Variants in TNFAIP8 observed in about 807,000 individuals in gnomAD.
TNFAIP8 encodes the protein TNF alpha induced protein 8, also known as tumor necrosis factor alpha-induced protein 8.
A neutral mutation model predicts 13.3 loss-of-function variants in TNFAIP8; 7 were observed. That is an observed-to-expected ratio of 0.52 (90% CI 0.30 to 0.99). TNFAIP8 has a LOEUF of 0.99. TNFAIP8 is among the 50% of genes least tolerant of loss of function. TNFAIP8 has a pLI of 0.07. For synonymous variants in TNFAIP8, 94 were observed against 87.6 expected, an observed-to-expected ratio of 1.07 and a Z score of -0.41; for missense variants, 258 against 236.9, an observed-to-expected ratio of 1.09 and a Z score of -0.58.
chr5:119,333,992 G>A (rs958343610), intron 1 of TNFAIP8, among the ~76,000 whole-genome samples: 5 of 152,222 alleles, frequency 3.3e-5, no homozygotes, highest in South Asian at 2.1e-4. Context: ...TTTTCCATGC[G>A]TTTATTAACT....
At chr5:119,350,952 T>TTGTGTG (rs35633858) in intron 1 of TNFAIP8, among the ~76,000 whole-genome samples, 2,532 of 144,768 alleles carry the variant, frequency 0.017, 66 homozygotes, top group African/African-American at 0.043. Context: ...CTATGTGTAT[T>TTGTGTG]TGTGTGTGTG....
chr5:119,291,624 T>A (rs1966478), intron 1 of TNFAIP8, among the ~76,000 whole-genome samples: 1 of 152,120 alleles, frequency 6.6e-6, no homozygotes. Flanking sequence ...CATCTTTGAA[T>A]AGTGAAAGGC....
chr5:119,294,772 T>C (rs1051644309), intron 1 of TNFAIP8, among the ~76,000 whole-genome samples: 1 of 152,148 alleles, frequency 6.6e-6, no homozygotes, highest in Non-Finnish European at 1.5e-5. Context: ...GGTTTTGATT[T>C]GCGTTTCTCT....
chr5:119,269,913 T>A (rs979595771), intron 1 of TNFAIP8, among the ~76,000 whole-genome samples: 7 of 152,240 alleles, frequency 4.6e-5, no homozygotes, highest in African/African-American at 1.7e-4. Context: ...TTTCTTCATC[T>A]ATAAAATGAT....
intron 1 of TNFAIP8, among the ~76,000 whole-genome samples, chr5:119,299,215 G>GT (rs1352748680): frequency 6.6e-6 from 1 of 152,120 alleles, no homozygotes; most frequent in Non-Finnish European, 1.5e-5. Context: ...TTTCTGCTCT[G>GT]TTTTTTCCCC....
intron 1 of TNFAIP8, among the ~76,000 whole-genome samples, chr5:119,288,629 A>G (rs903412897): frequency 6.6e-6 from 1 of 152,220 alleles, no homozygotes; most frequent in Non-Finnish European, 1.5e-5. Context: ...GGCTTGTATA[A>G]CTAACCCCAA....
intron 1 of TNFAIP8, among the ~76,000 whole-genome samples, chr5:119,350,042 A>C (rs779109730): frequency 1.3e-5 from 2 of 152,230 alleles, no homozygotes; most frequent in African/African-American, 2.4e-5. Context: ...CTTTAATTAC[A>C]TATCTGTAAA....
rs562186577 is a variant in TNFAIP8, at chr5:119,305,512, A to G, written c.1+36605A>G. 7.3e-5 allele frequency among the ~76,000 whole-genome samples: 11 copies of G among 150,548 alleles called. No homozygotes were observed. In the South Asian group the frequency reaches 2.3e-3, roughly 31 times the overall value. On this transcript the variant is annotated intron_variant, in intron 1 of 1. Transcript: ENST00000274456. ...CGGAAGGCTGAGGCAGGAGGATCACATGAGCCCAGGAGTTCAAGGCTGTAG... is the reference window on the plus strand; with the variant it reads ...CGGAAGGCTGAGGCAGGAGGATCACGTGAGCCCAGGAGTTCAAGGCTGTAG...
chr5:119,287,538 A>G (rs1416235066), intron 1 of TNFAIP8, among the ~76,000 whole-genome samples: 2 of 152,080 alleles, frequency 1.3e-5, no homozygotes, highest in African/African-American at 2.4e-5. Context: ...CGTGCTGTAT[A>G]TTAGATCTCC....
At chr5:119,280,913 T>G (rs1347544207) in intron 1 of TNFAIP8, among the ~76,000 whole-genome samples, 5 of 152,192 alleles carry the variant, frequency 3.3e-5, no homozygotes, top group African/African-American at 1.2e-4. Context: ...TAGGGTTTTT[T>G]TTTAATTGTT....
intron 1 of TNFAIP8, among the ~76,000 whole-genome samples, chr5:119,379,092 G>A (rs1345739662): frequency 6.6e-6 from 1 of 152,166 alleles, no homozygotes; most frequent in Non-Finnish European, 1.5e-5. Flanking sequence ...AAGATAGTTT[G>A]TATCCATATT....
chr5:119,341,989 A>G (rs1387351849), intron 1 of TNFAIP8, among the ~76,000 whole-genome samples: 1 of 143,230 alleles, frequency 7.0e-6, no homozygotes, highest in Non-Finnish European at 1.5e-5. Context: ...TACCCTTGTA[A>G]CAGCCTTAAT....
upstream of TNFAIP8, among the ~76,000 whole-genome samples, chr5:119,353,931 T>C (rs1751281272): frequency 6.6e-6 from 1 of 152,242 alleles, no homozygotes; most frequent in Non-Finnish European, 1.5e-5. Context: ...GGAAGCTCTC[T>C]TGTGTAGCAC....
rs565714733 is a variant in TNFAIP8 at position 119,375,601 on chromosome 5, T to G, written c.32-17215T>G. Among the ~76,000 whole-genome samples the G allele has an allele frequency of 3.3e-5, 5 of 152,292 alleles. No homozygotes were observed. The East Asian group carries it at 5.8e-4, about 18-fold the overall frequency. The stretch of plus-strand genomic sequence containing the variant: ...TACCAGGGAACGACTATAATGATCT[T>G]TTTAGTTATTTTCTTCAAGTGGAAA... On this transcript the variant is annotated intron_variant, in intron 1 of 1. Transcript: ENST00000504771.
rs562253648 is a variant in TNFAIP8, at chr5:119,397,391, A to G, written c.*4010A>G. On this transcript the variant is annotated 3_prime_UTR_variant, in exon 2 of 2. Transcript: ENST00000504771. ...CAGGAAATTAAAATACTCCAGTAAAATGAATTAAATTAGCATGTTAATAAG... is the reference window on the plus strand; with the variant it reads ...CAGGAAATTAAAATACTCCAGTAAAGTGAATTAAATTAGCATGTTAATAAG... 3 of 152,248 alleles carry G rather than the reference A, an allele frequency of 2.0e-5. No homozygotes were observed. Among genetic ancestry groups the G allele is most frequent in the Non-Finnish European group, 4.4e-5 (3 of 68,038 alleles). The allele number at this position is 152,248 out of a possible 1,614,324, so 9.4% of individuals were successfully genotyped here.
chr5:119,272,997 G>C (rs1041434943), intron 1 of TNFAIP8, among the ~76,000 whole-genome samples: 6 of 152,170 alleles, frequency 3.9e-5, no homozygotes, highest in African/African-American at 1.4e-4. Context: ...ATAACAGAAT[G>C]GAATTAAGTT....
At chr5:119,275,013 A>ATTTT (rs5870846) in intron 1 of TNFAIP8, among the ~76,000 whole-genome samples, 29 of 142,782 alleles carry the variant, frequency 2.0e-4, no homozygotes, top group African/African-American at 3.8e-4. Context: ...TTTTTTTTTA[A>ATTTT]TTTTTTTTTT....
At position 119,365,808 on chromosome 5, in the gene TNFAIP8, G is replaced by A. The variant is rs996519475; in HGVS notation, c.31+9687G>A. ...CTCAATATCACAAGTCTAAACATTC[G>A]ACTCAACATCTTCAGAAGAAAAGAG... is the stretch of plus-strand genomic sequence containing the variant. On this transcript the variant is annotated intron_variant, in intron 1 of 1. Transcript: ENST00000504771. Among the ~76,000 whole-genome samples the A allele has an allele frequency of 3.3e-5, 5 of 152,018 alleles. No individual in the cohort carries two copies. The East Asian group carries it at 5.8e-4, about 18-fold the overall frequency.
At chr5:119,334,731 C>A (rs1750496736) in intron 1 of TNFAIP8, among the ~76,000 whole-genome samples, 1 of 151,362 alleles carries the variant, frequency 6.6e-6, no homozygotes, top group Non-Finnish European at 1.5e-5. Context: ...CCGAGAATCG[C>A]ACCACTGCAC....
Sources: allele counts gnomAD v4.1 joint callset (sites outside exome capture counted in the v4.1 genomes callset), GRCh38; gene constraint gnomAD v4.1.1; transcripts MANE v1.5; gene names NCBI Gene and HGNC (gene_info 2026-07-23, HGNC 2026-07-21).